Variants in TRAPPC9 observed in about 807,000 individuals in gnomAD.
TRAPPC9 encodes trafficking protein particle complex subunit 9, also known as IKK2 binding protein.
Under a neutral mutation model 124.0 loss-of-function variants are expected in TRAPPC9, and 83 were observed. That is an observed-to-expected ratio of 0.67 (90% CI 0.56 to 0.80). The LOEUF (loss-of-function observed/expected upper bound fraction) is 0.80. Among genes scored for constraint, TRAPPC9 ranks in the 30% least tolerant of loss-of-function variants. TRAPPC9 has a pLI of 0.00. For synonymous variants in TRAPPC9, 638 were observed against 617.5 expected, an observed-to-expected ratio of 1.03 and a Z score of -0.49; for missense variants, 1,302 against 1,508.3, an observed-to-expected ratio of 0.86 and a Z score of 2.27.
intron 16 of TRAPPC9, among the ~76,000 whole-genome samples, chr8:140,230,006 G>A (rs765518799): frequency 4.6e-5 from 7 of 152,142 alleles, no homozygotes; most frequent in Non-Finnish European, 1.0e-4. Flanking sequence ...CCACATGGCA[G>A]TGCACACAGA....
rs1844512427 is a variant in TRAPPC9 at position 140,090,732 on chromosome 8, G to C, written c.2557-66653C>G. 2.0e-5 allele frequency among the ~76,000 whole-genome samples: 3 copies of C among 152,244 alleles called. No homozygotes were observed. The South Asian group carries it at 6.2e-4, about 31-fold the overall frequency. On this transcript the variant is annotated intron_variant, in intron 17 of 22. Coordinates refer to ENST00000438773, the MANE Select transcript of TRAPPC9 (RefSeq NM_001160372.4). The stretch of plus-strand genomic sequence containing the variant: ...CATGAGCCCATCCCAGGATAAGGAG[G>C]GTAAAGAGCTGGGCATCTCATTAAT...
intron 21 of TRAPPC9, among the ~76,000 whole-genome samples, chr8:139,733,761 G>A (rs1363278992): frequency 6.6e-6 from 1 of 152,258 alleles, no homozygotes; most frequent in Non-Finnish European, 1.5e-5. Context: ...CCTGGTGCCA[G>A]CACCCTGCAG....
intron 17 of TRAPPC9, among the ~76,000 whole-genome samples, chr8:140,145,714 T>C (rs1463952252): frequency 1.3e-5 from 2 of 151,162 alleles, no homozygotes; most frequent in Non-Finnish European, 2.9e-5. Flanking sequence ...TTTGTTTTTG[T>C]TTTTGTTTTT....
In TRAPPC9 at chr8:140,252,429, G is replaced by A. The variant is rs1187036489; in HGVS notation, c.2431+348C>T. ...TTATAGATATCATCAGACTTTGAAG[G>A]AAAACTTTATCATCACAGCTAATTA... On this transcript the variant is annotated intron_variant, in intron 16 of 22. Transcript: ENST00000438773. The surrounding 1 kb of genome is among the most constrained non-coding windows in gnomAD (Gnocchi z 4.2). 6 of 309,128 alleles carry A rather than the reference G, an allele frequency of 1.9e-5. No homozygotes were observed. In the East Asian group the frequency reaches 3.2e-4, roughly 16 times the overall value. 19.1% of individuals were successfully genotyped at this position (309,128 alleles called of 1,614,324 possible). A position where few individuals can be genotyped will look rare whatever the true frequency, so the allele number is the denominator to read the frequency against.
At chr8:140,139,511 C>T (rs550475100) in intron 17 of TRAPPC9, among the ~76,000 whole-genome samples, 8 of 152,240 alleles carry the variant, frequency 5.3e-5, no homozygotes, top group African/African-American at 1.9e-4. Flanking sequence ...TATATAACAG[C>T]GCCAAATGGG....
chr8:140,435,076 C>T, intron 4 of TRAPPC9, 36 bp downstream of exon 4: 1 of 1,613,920 alleles, frequency 6.2e-7, no homozygotes, highest in South Asian at 1.1e-5. Context: ...TTAAAGACTG[C>T]AAGTGAGCAG....
chr8:140,190,665 G>C (rs980933892), intron 17 of TRAPPC9, among the ~76,000 whole-genome samples: 2 of 152,182 alleles, frequency 1.3e-5, no homozygotes, highest in African/African-American at 4.8e-5. Flanking sequence ...AGAGAAAGAG[G>C]CAAAAAGCTG....
chr8:139,821,709 TG>T (rs1825265233), intron 21 of TRAPPC9, among the ~76,000 whole-genome samples: 1 of 152,236 alleles, frequency 6.6e-6, no homozygotes, highest in South Asian at 2.1e-4. Flanking sequence ...GTTTTTAAAG[TG>T]CTTTCTCGAC....
At chr8:140,293,800 G>C (rs908989478) in intron 11 of TRAPPC9, among the ~76,000 whole-genome samples, 6 of 152,006 alleles carry the variant, frequency 3.9e-5, no homozygotes, top group African/African-American at 1.5e-4. Context: ...CACCAGCATG[G>C]CACATGTATA....
intron 21 of TRAPPC9, among the ~76,000 whole-genome samples, chr8:139,801,979 T>C (rs1823566701): frequency 6.6e-6 from 1 of 152,090 alleles, no homozygotes; most frequent in Non-Finnish European, 1.5e-5. Context: ...CTCCAGAAAA[T>C]CTTCCCCACC....
chr8:140,162,382 A>G (rs1015533316), intron 17 of TRAPPC9, among the ~76,000 whole-genome samples: 1 of 152,088 alleles, frequency 6.6e-6, no homozygotes, highest in Non-Finnish European at 1.5e-5. Flanking sequence ...AGGCTTTTCT[A>G]CGTACTCTAA....
intron 15 of TRAPPC9, among the ~76,000 whole-genome samples, chr8:140,265,694 A>G (rs2131578434): frequency 6.6e-6 from 1 of 152,334 alleles, no homozygotes; most frequent in South Asian, 2.1e-4. Context: ...TTCAGAAATA[A>G]TAGTCATTAT....
Position 140,221,473 on chromosome 8 carries a change from A to G in TRAPPC9, c.2542T>C (p.Tyr848His). 1.2e-6 allele frequency: 2 copies of G among 1,614,090 alleles called. No individual in the cohort carries two copies. Among genetic ancestry groups the G allele is most frequent in the Admixed American group, 1.7e-5 (1 of 60,020 alleles). Residue 848 changes from tyrosine to histidine, a missense_variant, in exon 17 of 23, where the codon TAC (tyrosine) becomes CAC (histidine). Coordinates refer to ENST00000438773, the MANE Select transcript of TRAPPC9 (RefSeq NM_001160372.4). ...NPPESNKAGD[Y>H]SHVKTLEAVL... is the part of the protein sequence containing the mutation. Reference sequence around the variant, plus strand: ...TACCAACTCACCTTCACGTGGCTGTAGTCGCCTGCTTTGTTGCTCTCGGGT... The same window carrying G: ...TACCAACTCACCTTCACGTGGCTGTGGTCGCCTGCTTTGTTGCTCTCGGGT...
chr8:140,260,497 T>C lies in TRAPPC9; in HGVS notation c.2279-7568A>G, dbSNP rs570171258. The stretch of plus-strand genomic sequence containing the variant: ...TGTCGCAGCCATGCAAATTGGAAGG[T>C]GATCAAATGCCTAGAAAAAATTTGC... On this transcript the variant is annotated intron_variant, in intron 15 of 22. Transcript: ENST00000438773. Among the ~76,000 whole-genome samples the C allele has an allele frequency of 4.6e-5, 7 of 152,222 alleles. No homozygotes were observed. In the South Asian group the frequency reaches 1.0e-3, roughly 23 times the overall value.
intron 21 of TRAPPC9, among the ~76,000 whole-genome samples, chr8:139,857,857 C>T (rs1313003064): frequency 6.6e-6 from 1 of 152,260 alleles, no homozygotes; most frequent in Non-Finnish European, 1.5e-5. Context: ...CTGCTGCCTT[C>T]AGCTGTTATT....
chr8:139,778,819 G>A (rs1821573743), intron 21 of TRAPPC9, among the ~76,000 whole-genome samples: 2 of 152,114 alleles, frequency 1.3e-5, no homozygotes, highest in African/African-American at 4.8e-5. Flanking sequence ...GGAGACCTCT[G>A]AAGGAGAAGA....
chr8:140,137,113 G>A (rs766473809), intron 17 of TRAPPC9, among the ~76,000 whole-genome samples: 1 of 152,168 alleles, frequency 6.6e-6, no homozygotes, highest in Non-Finnish European at 1.5e-5. Flanking sequence ...GGAAGGGCCA[G>A]CACCCACAGG....
chr8:139,855,447 G>A (rs994340837), intron 21 of TRAPPC9, among the ~76,000 whole-genome samples: 4 of 152,144 alleles, frequency 2.6e-5, no homozygotes, highest in African/African-American at 9.7e-5. Flanking sequence ...AAATGACAAC[G>A]GCATCATCAA....
At chr8:140,051,581 T>TTG in intron 17 of TRAPPC9, among the ~76,000 whole-genome samples, 2 of 149,310 alleles carry the variant, frequency 1.3e-5, no homozygotes, top group African/African-American at 4.9e-5. Context: ...TCATTCTTTT[T>TTG]TTTTTTTTTT....
Sources: gnomAD v4.1 joint callset for allele counts (sites outside exome capture counted in the v4.1 genomes callset) on GRCh38, gnomAD v4.1.1 for gene constraint, Gnocchi (gnomAD v3.1) non-coding constraint, MANE v1.5 for transcripts, NCBI Gene and HGNC (gene_info 2026-07-23, HGNC 2026-07-21) for gene names.